The following PRDM10 variants were observed in gnomAD, a reference collection of about 807,000 sequenced individuals.
PRDM10 encodes the protein PR domain zinc finger protein 10.
PRDM10 carries 65 observed loss-of-function variants against 133.1 expected under a neutral mutation model. That is an observed-to-expected ratio of 0.49 (90% confidence interval 0.40 to 0.60). The LOEUF (loss-of-function observed/expected upper bound fraction) is 0.60. Ranked by LOEUF, PRDM10 falls within the 20% of genes least tolerant of loss-of-function variation. The probability of loss-of-function intolerance (pLI) is 0.00; values close to 1 mark genes in which losing one functional copy is unlikely to be tolerated. For synonymous variants in PRDM10, 582 were observed against 580.4 expected (o/e 1.00, Z -0.04); for missense variants, 1,137 against 1,507.1 (o/e 0.75, Z 4.07).
chr11:129,972,009 C>A (rs1039505053), intron 1 of PRDM10, among the ~76,000 whole-genome samples: 1 of 152,232 alleles, frequency 6.6e-6, no homozygotes, highest in Non-Finnish European at 1.5e-5. Context: ...GGTGAGAAAT[C>A]GAGTGCAGCG....
At chr11:129,915,583 G>A in intron 16 of PRDM10, 77 bp downstream of exon 16, 1 of 1,460,786 alleles carries the variant, frequency 6.8e-7, no homozygotes, top group Non-Finnish European at 9.2e-7. Context: ...AGGCCATGTG[G>A]ATGAGAAGCC....
rs1276411100 is a variant in PRDM10 at position 129,923,689 on chromosome 11, AGAGAGT to A, written c.1879-292_1879-287del. ...GAGAGAGAGAGAGAGAGAGAGAGAG[AGAGAGT>A]GCTTGCTTGGTCAAAGCCCTGATCA... On this transcript the variant is annotated intron_variant, in intron 12 of 20. Coordinates refer to ENST00000360871, the MANE Select transcript of PRDM10 (RefSeq NM_199437.2). The surrounding 1 kb of genome is among the most constrained non-coding windows in gnomAD (Gnocchi z 4.4). Among the ~76,000 whole-genome samples, 87 of 144,858 alleles carry A rather than the reference AGAGAGT, an allele frequency of 6.0e-4. 2 individuals carry two copies. The highest frequency in any genetic ancestry group is 1.7e-3 in the African/African-American group (63 of 38,032).
intron 19 of PRDM10, among the ~76,000 whole-genome samples, chr11:129,908,659 T>G (rs564207011): frequency 2.0e-4 from 31 of 152,276 alleles, no homozygotes; most frequent in Middle Eastern, 3.4e-3. Context: ...CTCTCTCTAC[T>G]TTTATATATT....
chr11:129,922,657 G>A (rs1276396368), intron 13 of PRDM10, among the ~76,000 whole-genome samples: 2 of 152,120 alleles, frequency 1.3e-5, no homozygotes, highest in Non-Finnish European at 2.9e-5. Flanking sequence ...ATTTCCCAAT[G>A]AAGCATATTT....
At chr11:129,948,407 A>C (rs1307832990) in intron 4 of PRDM10, among the ~76,000 whole-genome samples, 1 of 152,170 alleles carries the variant, frequency 6.6e-6, no homozygotes, top group African/African-American at 2.4e-5. Context: ...GCCACCTTCT[A>C]AATCCTACCA....
In PRDM10 at chr11:129,923,643, T is replaced by TGAGAGAGAGA. The variant is rs57429782; in HGVS notation, c.1879-250_1879-241dup. Reference sequence around the variant, plus strand: ...CGAACCTCCCCGATGACTTGAAACGTGAGAGAGAGAGAGAGAGAGAGAGAG... The same window carrying TGAGAGAGAGA: ...CGAACCTCCCCGATGACTTGAAACGTGAGAGAGAGAGAGAGAGAGAGAGAGAGAGAGAGAG... On this transcript the variant is annotated intron_variant, in intron 12 of 20. Coordinates refer to ENST00000360871, the MANE Select transcript of PRDM10 (RefSeq NM_199437.2). This position sits in a 1 kb window ranked among gnomAD's most constrained non-coding sequence, Gnocchi z 4.4. 0.028 allele frequency among the ~76,000 whole-genome samples: 1,838 copies of TGAGAGAGAGA among 65,860 alleles called. 315 individuals carry two copies. Among genetic ancestry groups the TGAGAGAGAGA allele is most frequent in the East Asian group, 0.083 (117 of 1,418 alleles). 43.2% of individuals were successfully genotyped at this position (65,860 alleles called of 152,430 possible).
At chr11:129,959,924 TC>T (rs1485623548) in intron 2 of PRDM10, among the ~76,000 whole-genome samples, 1 of 151,192 alleles carries the variant, frequency 6.6e-6, no homozygotes, top group African/African-American at 2.4e-5. Flanking sequence ...GGCTAATTTT[TC>T]TTTTTTTTTT....
chr11:129,980,282 G>A (rs952249241), intron 1 of PRDM10, among the ~76,000 whole-genome samples: 1 of 152,148 alleles, frequency 6.6e-6, no homozygotes, highest in Non-Finnish European at 1.5e-5. Context: ...AGCCAAAAGG[G>A]GGAAACAACC....
chr11:129,929,509 G>C, intron 11 of PRDM10: 1 of 1,169,886 alleles, frequency 8.5e-7, no homozygotes, highest in Non-Finnish European at 1.2e-6. Flanking sequence ...TACCAATCTG[G>C]ATAGAAAAGA....
At chr11:129,939,663 C>A (rs898086580) in intron 7 of PRDM10, among the ~76,000 whole-genome samples, 39 of 152,190 alleles carry the variant, frequency 2.6e-4, no homozygotes, top group Non-Finnish European at 1.8e-4. Flanking sequence ...TGAGTGAACA[C>A]GTGCCAAGCA....
intron 1 of PRDM10, among the ~76,000 whole-genome samples, chr11:129,975,439 T>A (rs756696163): frequency 2.3e-4 from 35 of 151,508 alleles, no homozygotes; most frequent in Non-Finnish European, 4.6e-4. Flanking sequence ...AAAAAAAAAA[T>A]TTACACCTAA....
chr11:129,921,824 T>A (rs1950531505), intron 13 of PRDM10, among the ~76,000 whole-genome samples: 2 of 152,140 alleles, frequency 1.3e-5, no homozygotes, highest in Non-Finnish European at 2.9e-5. Flanking sequence ...CTACTTATCC[T>A]CTCTTTCCCA....
At position 129,944,999 on chromosome 11, in the gene PRDM10, G is replaced by A; in HGVS notation, c.534C>T (p.Cys178=). 1 of 1,612,818 alleles carries A rather than the reference G, an allele frequency of 6.2e-7. No homozygotes were observed. The highest frequency in any genetic ancestry group is 1.1e-5 in the South Asian group (1 of 90,966). ...FDPHDLWCEE[C]NNAHASVCPK... is the part of the protein sequence containing the mutation. Reference sequence around the variant, plus strand: ...GACACACTGAAGCATGCGCGTTATTGCACTCCTCACACCCTGCAAAAGAGA... The same window carrying A: ...GACACACTGAAGCATGCGCGTTATTACACTCCTCACACCCTGCAAAAGAGA... Residue 178 remains cysteine, a synonymous_variant, in exon 6 of 21, where the codon TGC becomes TGT. Transcript: ENST00000360871.
At chr11:129,986,673 G>C (rs1349378706) in intron 1 of PRDM10, among the ~76,000 whole-genome samples, 1 of 152,208 alleles carries the variant, frequency 6.6e-6, no homozygotes, top group Admixed American at 6.5e-5. Flanking sequence ...ACTGCACCAA[G>C]TCTGCTGCAT....
intron 3 of PRDM10, among the ~76,000 whole-genome samples, chr11:129,955,775 G>T (rs1350379869): frequency 6.6e-6 from 1 of 152,192 alleles, no homozygotes; most frequent in Non-Finnish European, 1.5e-5. Flanking sequence ...CAAAGAGATT[G>T]TATAAGCTAA....
chr11:129,929,111 G>C (rs1163558495), intron 11 of PRDM10, among the ~76,000 whole-genome samples: 1 of 152,158 alleles, frequency 6.6e-6, no homozygotes, highest in Admixed American at 6.6e-5. Context: ...ACCTAGCATA[G>C]TGCCAAATAG....
chr11:129,953,363 G>A (rs929550826), intron 4 of PRDM10, among the ~76,000 whole-genome samples: 12 of 148,124 alleles, frequency 8.1e-5, no homozygotes, highest in African/African-American at 2.5e-4. Context: ...GTGTGATCTC[G>A]GCTCACTGCA....
chr11:129,910,680 G>A lies in PRDM10; in HGVS notation c.2983-24C>T. 3 of 1,513,518 alleles carry A rather than the reference G, an allele frequency of 2.0e-6. No homozygotes were observed. The South Asian group carries it at 3.9e-5, about 20-fold the overall frequency. 93.8% of individuals were successfully genotyped at this position (1,513,518 alleles called of 1,614,324 possible). On this transcript the variant is annotated intron_variant, in intron 18 of 20. Coordinates refer to ENST00000360871, the MANE Select transcript of PRDM10 (RefSeq NM_199437.2). ...ACCTGGGGAGAAAGAGAAAGCAATG[G>A]TAGGGAATTACGAGCTTCTAATATA...
At chr11:129,975,870 A>T (rs1197371255) in intron 1 of PRDM10, among the ~76,000 whole-genome samples, 1 of 152,210 alleles carries the variant, frequency 6.6e-6, no homozygotes, top group Non-Finnish European at 1.5e-5. Context: ...AATAGCAGTG[A>T]CTGCTGTTAT....
Sources: gnomAD v4.1 joint callset for allele counts (sites outside exome capture counted in the v4.1 genomes callset) on GRCh38, gnomAD v4.1.1 for gene constraint, Gnocchi (gnomAD v3.1) non-coding constraint, MANE v1.5 for transcripts, NCBI Gene and HGNC (gene_info 2026-07-23, HGNC 2026-07-21) for gene names.